The following PPP4R2 variants were observed in gnomAD, a reference collection of about 807,000 sequenced individuals.
The protein encoded by PPP4R2 is protein phosphatase 4 regulatory subunit 2.
PPP4R2 carries 13 observed loss-of-function variants against 47.2 expected under a neutral mutation model. The observed-to-expected ratio is 0.28, with a 90% CI of 0.18 to 0.44. PPP4R2 has a LOEUF of 0.44. PPP4R2 is among the 20% of genes least tolerant of loss of function. The pLI is 1.00. For synonymous variants in PPP4R2, 151 were observed against 163.3 expected, an observed-to-expected ratio of 0.92 and a Z score of 0.57; for missense variants, 421 against 491.2, an observed-to-expected ratio of 0.86 and a Z score of 1.35.
chr3:73,008,749 A>G (rs565249038), intron 2 of PPP4R2, among the ~76,000 whole-genome samples: 1 of 152,338 alleles, frequency 6.6e-6, no homozygotes, highest in Non-Finnish European at 1.5e-5. Flanking sequence ...GGACAGTAAA[A>G]ATTATCTGTA....
intron 2 of PPP4R2, among the ~76,000 whole-genome samples, chr3:73,008,299 A>G (rs12186013): frequency 0.09 from 13,726 of 152,302 alleles, 865 homozygotes; most frequent in Middle Eastern, 0.22. Context: ...GCTTCTGTAT[A>G]TTCCAGTGAG....
intron 1 of PPP4R2, 87 bp downstream of exon 1, chr3:72,997,158 G>A (rs1041514321): frequency 1.8e-6 from 2 of 1,124,470 alleles, no homozygotes; most frequent in Non-Finnish European, 2.3e-6. Context: ...CCGAGGACCG[G>A]GGCCGGGCGC....
intron 1 of PPP4R2, 71 bp from the exon 2 acceptor site, chr3:72,998,006 C>A: frequency 9.8e-7 from 1 of 1,019,170 alleles, no homozygotes; most frequent in Non-Finnish European, 1.5e-6. Context: ...AGGTAAAGGA[C>A]TAGGAGGAAA....
At chr3:73,040,453 A>C (rs1266885571) in intron 2 of PPP4R2, among the ~76,000 whole-genome samples, 1 of 152,042 alleles carries the variant, frequency 6.6e-6, no homozygotes, top group Non-Finnish European at 1.5e-5. Context: ...TGTTAATCAC[A>C]TAACTACATA....
chr3:73,023,062 A>G (rs1327990843), intron 2 of PPP4R2, among the ~76,000 whole-genome samples: 4 of 152,202 alleles, frequency 2.6e-5, no homozygotes, highest in African/African-American at 7.2e-5. Flanking sequence ...ATTTGTGGGT[A>G]AAATTGCATC....
At chr3:73,008,672 T>C (rs572661967) in intron 2 of PPP4R2, among the ~76,000 whole-genome samples, 1 of 152,360 alleles carries the variant, frequency 6.6e-6, no homozygotes, top group South Asian at 2.1e-4. Flanking sequence ...GTTTGTACCT[T>C]TAGTTGTTTC....
chr3:73,043,300 G>GAAATT (rs71625905), intron 2 of PPP4R2, among the ~76,000 whole-genome samples: 79,666 of 151,224 alleles, frequency 0.53, 21,305 homozygotes, highest in African/African-American at 0.62. Context: ...AAAATTCTGT[G>GAAATT]AAATTAAAAA....
rs79445632 is a variant in PPP4R2 at position 73,006,773 on chromosome 3, C to T, written c.116+8615C>T. ...TTGCTAGAGTTGGCAAAATCCATCTCAGTTTCAGCTGCTGTTCTCAAATTG... is the reference window on the plus strand; with the variant it reads ...TTGCTAGAGTTGGCAAAATCCATCTTAGTTTCAGCTGCTGTTCTCAAATTG... On this transcript the variant is annotated intron_variant, in intron 2 of 8. Transcript: ENST00000356692. Among the ~76,000 whole-genome samples, 786 of 152,294 alleles carry T rather than the reference C, an allele frequency of 5.2e-3. 7 individuals carry two copies. The highest frequency in any genetic ancestry group is 0.018 in the African/African-American group (757 of 41,566).
intron 6 of PPP4R2, 31 bp downstream of exon 6, chr3:73,063,778 G>A (rs780245986): frequency 2.8e-6 from 4 of 1,416,334 alleles, no homozygotes; most frequent in Admixed American, 3.4e-5. Context: ...TACCTACAGA[G>A]TTTGCATTGT....
intron 3 of PPP4R2, among the ~76,000 whole-genome samples, chr3:73,058,500 A>C (rs1414535818): frequency 1.3e-5 from 2 of 151,966 alleles, no homozygotes; most frequent in Non-Finnish European, 2.9e-5. Flanking sequence ...TGGGTGTTCT[A>C]AGTTGCTTTT....
At chr3:73,018,843 T>G (rs1020978898) in intron 2 of PPP4R2, among the ~76,000 whole-genome samples, 1 of 152,208 alleles carries the variant, frequency 6.6e-6, no homozygotes, top group Non-Finnish European at 1.5e-5. Flanking sequence ...GAAGTTTTCT[T>G]GGATCTCCTT....
At chr3:73,028,628 A>T (rs760461673) in intron 2 of PPP4R2, among the ~76,000 whole-genome samples, 1 of 152,018 alleles carries the variant, frequency 6.6e-6, no homozygotes, top group Non-Finnish European at 1.5e-5. Flanking sequence ...TTTGGTAGAG[A>T]CGGAGTTTCA....
At position 73,015,853 on chromosome 3, in the gene PPP4R2, C is replaced by T. The variant is rs532289623; in HGVS notation, c.116+17695C>T. ...CGGGGTTTCACCATGTTAGCCAGGA[C>T]GGTCTCGATCTCCTGACCTCGTGAT... is the stretch of plus-strand genomic sequence containing the variant. On this transcript the variant is annotated intron_variant, in intron 2 of 8. Coordinates refer to ENST00000356692, the MANE Select transcript of PPP4R2 (RefSeq NM_174907.4). 102 of 419,458 alleles carry T rather than the reference C, an allele frequency of 2.4e-4. 1 individual carries two copies. The highest frequency in any genetic ancestry group is 1.3e-3 in the South Asian group (81 of 61,576). 26.0% of individuals were successfully genotyped at this position (419,458 alleles called of 1,614,324 possible).
At chr3:73,021,848 ATGTG>A (rs34010770) in intron 2 of PPP4R2, among the ~76,000 whole-genome samples, 8,284 of 130,898 alleles carry the variant, frequency 0.063, 796 homozygotes, top group African/African-American at 0.22. Flanking sequence ...ACATTTCTAT[ATGTG>A]TGTGTGTGTG....
intron 2 of PPP4R2, among the ~76,000 whole-genome samples, chr3:73,026,566 T>A (rs1702068217): frequency 6.6e-6 from 1 of 152,232 alleles, no homozygotes; most frequent in Admixed American, 6.5e-5. Flanking sequence ...AGCTTAGGGA[T>A]GCATATTTGC....
intron 2 of PPP4R2, among the ~76,000 whole-genome samples, chr3:73,003,469 G>A (rs988487456): frequency 1.3e-5 from 2 of 151,870 alleles, no homozygotes; most frequent in African/African-American, 2.4e-5. Flanking sequence ...CCCTGCCTTT[G>A]CCTCCAAAGG....
At chr3:73,059,951 A>C (rs1186570597) in intron 4 of PPP4R2, among the ~76,000 whole-genome samples, 5 of 151,760 alleles carry the variant, frequency 3.3e-5, no homozygotes, top group Non-Finnish European at 5.9e-5. Context: ...AAAAAAAAAA[A>C]AGGAAATGGT....
intron 2 of PPP4R2, among the ~76,000 whole-genome samples, chr3:73,030,660 C>T (rs144049006): frequency 0.017 from 2,508 of 149,360 alleles, 31 homozygotes; most frequent in Middle Eastern, 0.031. Context: ...GGCTAGAGAA[C>T]CAACTATATC....
At position 73,018,077 on chromosome 3, in the gene PPP4R2, A is replaced by G. The variant is rs973986238; in HGVS notation, c.116+19919A>G. Among the ~76,000 whole-genome samples the G allele has an allele frequency of 3.3e-5, 5 of 152,168 alleles. 1 individual carries two copies. The highest frequency in any genetic ancestry group is 4.8e-5 in the African/African-American group (2 of 41,510). On this transcript the variant is annotated intron_variant, in intron 2 of 8. Transcript: ENST00000356692. ...GGAAACTAGGAGGTATGGTCACTCT[A>G]TTTTGTTTCTTTGATGTCCTTTGTA...
Sources: allele counts gnomAD v4.1 joint callset (sites outside exome capture counted in the v4.1 genomes callset), GRCh38; gene constraint gnomAD v4.1.1; transcripts MANE v1.5; gene names NCBI Gene and HGNC (gene_info 2026-07-23, HGNC 2026-07-21).